Variants in TBC1D5 observed in about 807,000 individuals in gnomAD.
The protein encoded by TBC1D5 is TBC1 domain family, member 5.
In TBC1D5, 75 loss-of-function variants were observed where a neutral mutation model predicts 100.3. The ratio of observed to expected loss-of-function variants is 0.75; its 90% CI spans 0.62 to 0.91. TBC1D5 has a LOEUF of 0.91. Among genes scored for constraint, TBC1D5 ranks in the 40% least tolerant of loss-of-function variants. The probability of loss-of-function intolerance (pLI) is 0.00; values close to 1 mark genes in which losing one functional copy is unlikely to be tolerated. For missense variants in TBC1D5, 910 were observed against 942.4 expected, an observed-to-expected ratio of 0.97 and a Z score of 0.45; for synonymous variants, 323 against 325.6, an observed-to-expected ratio of 0.99 and a Z score of 0.09.
At chr3:17,231,269 C>T (rs952390310) in intron 17 of TBC1D5, among the ~76,000 whole-genome samples, 8 of 152,084 alleles carry the variant, frequency 5.3e-5, no homozygotes, top group Admixed American at 3.9e-4. Context: ...TTTTGAAGAA[C>T]CTCACTGAGT....
intron 3 of TBC1D5, among the ~76,000 whole-genome samples, chr3:17,469,783 A>C (rs901830467): frequency 5.9e-5 from 9 of 152,238 alleles, no homozygotes; most frequent in African/African-American, 1.9e-4. Context: ...TATTTTGCTG[A>C]AGGAAGACAT....
chr3:17,516,040 G>A lies in TBC1D5; in HGVS notation c.-35-7435C>T, dbSNP rs545621603. Among the ~76,000 whole-genome samples, 17 of 152,284 alleles carry A rather than the reference G, an allele frequency of 1.1e-4. No homozygotes were observed. The South Asian group carries it at 2.9e-3, about 26-fold the overall frequency. On this transcript the variant is annotated intron_variant, in intron 2 of 21. Coordinates refer to ENST00000253692, the Ensembl canonical transcript of TBC1D5. ...GAAGGCCAGCAGCTAAGAAGCACCA[G>A]TCCTTGCTAGCCAAAGTAGCTTACA... is the stretch of plus-strand genomic sequence containing the variant.
chr3:17,242,859 G>A (rs1208998844), intron 16 of TBC1D5, among the ~76,000 whole-genome samples: 1 of 152,048 alleles, frequency 6.6e-6, no homozygotes, highest in African/African-American at 2.4e-5. Context: ...TAATTACTTT[G>A]AAATGAATAT....
At chr3:17,621,605 C>A (rs2062662513) in intron 2 of TBC1D5, among the ~76,000 whole-genome samples, 1 of 152,190 alleles carries the variant, frequency 6.6e-6, no homozygotes, top group African/African-American at 2.4e-5. Flanking sequence ...TTTTGAAATT[C>A]TGTCCCATAA....
At chr3:17,326,253 T>C (rs953763030) in intron 13 of TBC1D5, among the ~76,000 whole-genome samples, 10 of 152,146 alleles carry the variant, frequency 6.6e-5, no homozygotes, top group Non-Finnish European at 1.0e-4. Context: ...AATAGGAACA[T>C]TGAAGAGGGA....
intron 1 of TBC1D5, among the ~76,000 whole-genome samples, chr3:17,670,320 G>A (rs2067796620): frequency 6.6e-6 from 1 of 152,190 alleles, no homozygotes; most frequent in Non-Finnish European, 1.5e-5. Context: ...AAACCAAAGA[G>A]CTGATTCCAA....
intron 4 of TBC1D5, among the ~76,000 whole-genome samples, chr3:17,423,435 T>C (rs1483149645): frequency 6.6e-6 from 1 of 152,150 alleles, no homozygotes; most frequent in East Asian, 1.9e-4. Context: ...AGTATCTGTG[T>C]ATCTTTTTAG....
chr3:17,503,302 T>A lies in TBC1D5; in HGVS notation c.97+5172A>T, dbSNP rs534692270. ...CTTCAGGTTGTGGCTTAGATAGACA[T>A]CACACCTTCCTTGATCCACCATTAC... On this transcript the variant is annotated intron_variant, in intron 3 of 21. Transcript: ENST00000253692. Among the ~76,000 whole-genome samples, 15 of 149,708 alleles carry A rather than the reference T, an allele frequency of 1.0e-4. 1 individual carries two copies. Among genetic ancestry groups the A allele is most frequent in the Admixed American group, 2.0e-4 (3 of 15,200 alleles).
At chr3:17,493,375 T>C (rs1167336825) in intron 3 of TBC1D5, among the ~76,000 whole-genome samples, 1 of 152,180 alleles carries the variant, frequency 6.6e-6, no homozygotes, top group Non-Finnish European at 1.5e-5. Flanking sequence ...CTTAACACTT[T>C]TTCCTTCATT....
intron 7 of TBC1D5, among the ~76,000 whole-genome samples, chr3:17,403,905 C>T (rs2093706166): frequency 6.6e-6 from 1 of 152,126 alleles, no homozygotes; most frequent in African/African-American, 2.4e-5. Flanking sequence ...TACAGCAGGA[C>T]TCATAGGCCA....
chr3:17,400,749 A>G (rs2093624547), intron 8 of TBC1D5, among the ~76,000 whole-genome samples: 1 of 152,152 alleles, frequency 6.6e-6, no homozygotes, highest in Admixed American at 6.5e-5. Flanking sequence ...AGCAGGCAGA[A>G]GAAGGTGGAA....
chr3:17,344,522 C>T (rs200243593), intron 13 of TBC1D5, among the ~76,000 whole-genome samples: 1 of 151,684 alleles, frequency 6.6e-6, no homozygotes, highest in South Asian at 2.1e-4. Context: ...ATGCCATCCC[C>T]ATCAAGCTAC....
At chr3:17,234,408 TA>T (rs2075692910) in intron 17 of TBC1D5, among the ~76,000 whole-genome samples, 1 of 144,812 alleles carries the variant, frequency 6.9e-6, no homozygotes, top group Non-Finnish European at 1.5e-5. Flanking sequence ...AAAAGCAATT[TA>T]AAATATAGAC....
chr3:17,323,863 C>T (rs2085744506), intron 13 of TBC1D5, among the ~76,000 whole-genome samples: 1 of 152,102 alleles, frequency 6.6e-6, no homozygotes. Flanking sequence ...ACTAAAAATA[C>T]TCGAAACAAT....
chr3:17,530,955 T>C (rs1377347853), intron 2 of TBC1D5, among the ~76,000 whole-genome samples: 1 of 152,210 alleles, frequency 6.6e-6, no homozygotes, highest in African/African-American at 2.4e-5. Context: ...ACCACTCTTA[T>C]TCAACATAGT....
At chr3:17,253,830 C>G (rs1487022595) in intron 16 of TBC1D5, among the ~76,000 whole-genome samples, 2 of 149,464 alleles carry the variant, frequency 1.3e-5, no homozygotes, top group Non-Finnish European at 2.9e-5. Flanking sequence ...AACCCTTGAA[C>G]AACACAGGTT....
chr3:17,227,544 T>C (rs2075021235), intron 17 of TBC1D5, among the ~76,000 whole-genome samples: 1 of 152,130 alleles, frequency 6.6e-6, no homozygotes, highest in South Asian at 2.1e-4. Flanking sequence ...TCATGTTCTT[T>C]GTAGGAACAT....
intron 1 of TBC1D5, among the ~76,000 whole-genome samples, chr3:17,628,313 G>A (rs527970489): frequency 6.6e-6 from 1 of 151,166 alleles, no homozygotes; most frequent in African/African-American, 2.4e-5. Context: ...AGGCTGCAGT[G>A]AAGCCAAGAT....
At chr3:17,192,209 A>T (rs1410177449) in intron 18 of TBC1D5, among the ~76,000 whole-genome samples, 2 of 152,110 alleles carry the variant, frequency 1.3e-5, no homozygotes, top group Admixed American at 6.6e-5. Context: ...AAATAATGCA[A>T]ATAACATAAT....
Sources: gnomAD v4.1 joint callset for allele counts (sites outside exome capture counted in the v4.1 genomes callset) on GRCh38, gnomAD v4.1.1 for gene constraint, MANE v1.5 for transcripts, NCBI Gene and HGNC (gene_info 2026-07-23, HGNC 2026-07-21) for gene names.